AGPAT4: variants seen among roughly 807,000 people sequenced by gnomAD.
AGPAT4 encodes the protein 1-acyl-sn-glycerol-3-phosphate acyltransferase delta.
AGPAT4 carries 15 observed loss-of-function variants against 48.0 expected under a neutral mutation model. The observed-to-expected ratio is 0.31, with a 90% CI of 0.21 to 0.48. AGPAT4 has a LOEUF of 0.48. AGPAT4 is among the 20% of genes least tolerant of loss of function. The probability of loss-of-function intolerance (pLI) is 0.99; values close to 1 mark genes in which losing one functional copy is unlikely to be tolerated. For synonymous variants in AGPAT4, 178 were observed against 198.7 expected (o/e 0.90, Z 0.88); for missense variants, 314 against 482.5 (o/e 0.65, Z 3.27).
Position 161,133,246 on chromosome 6 carries a change from A to G in AGPAT4, c.*3294T>C, listed in dbSNP as rs1778959612. On this transcript the variant is annotated 3_prime_UTR_variant, in exon 9 of 9. Transcript: ENST00000320285. The stretch of plus-strand genomic sequence containing the variant: ...GGGCCTTTTTTGTGTCTTTCACATC[A>G]CTGTTACAAGTTGTGGCTGGACAAT... 6.6e-6 allele frequency: 1 copy of G among 152,218 alleles called. No homozygotes were observed. The highest frequency in any genetic ancestry group is 1.5e-5 in the Non-Finnish European group (1 of 68,044). 9.4% of individuals were successfully genotyped at this position (152,218 alleles called of 1,614,324 possible). A position where few individuals can be genotyped will look rare whatever the true frequency, so the allele number is the denominator to read the frequency against.
Position 161,165,725 on chromosome 6 carries a change from A to G in AGPAT4, c.348+523T>C. On this transcript the variant is annotated intron_variant, in intron 3 of 8. Coordinates refer to ENST00000320285, the MANE Select transcript of AGPAT4 (RefSeq NM_020133.3). The surrounding 1 kb of genome is among the most constrained non-coding windows in gnomAD (Gnocchi z 5.5). ...TGCAAGAGGTCAAACTAGTTGGGAA[A>G]AAAAAAAAACAGAATTTCAGAATAA... The G allele has an allele frequency of 2.3e-6, 2 of 861,502 alleles. No individual in the cohort carries two copies. Among genetic ancestry groups the G allele is most frequent in the South Asian group, 2.8e-5 (2 of 71,900 alleles). The allele number at this position is 861,502 out of a possible 1,614,324, so 53.4% of individuals were successfully genotyped here. A position where few individuals can be genotyped will look rare whatever the true frequency, so the allele number is the denominator to read the frequency against.
At position 161,166,133 on chromosome 6, in the gene AGPAT4, A is replaced by C; in HGVS notation, c.348+115T>G. 7.3e-7 allele frequency: 1 copy of C among 1,375,002 alleles called. No individual in the cohort carries two copies. The highest frequency in any genetic ancestry group is 1.0e-6 in the Non-Finnish European group (1 of 1,001,222). The allele number at this position is 1,375,002 out of a possible 1,614,324, so 85.2% of individuals were successfully genotyped here. On this transcript the variant is annotated intron_variant, in intron 3 of 8. Coordinates refer to ENST00000320285, the MANE Select transcript of AGPAT4 (RefSeq NM_020133.3). The surrounding 1 kb of genome is among the most constrained non-coding windows in gnomAD (Gnocchi z 6.7). ...GCAGTTTATTAGGACCATTTCATCA[A>C]GTAGAAACTCTGTTGATTCTTCTGC...
In AGPAT4 at chr6:161,214,976, A is replaced by G. The variant is rs1781606088; in HGVS notation, c.178+17060T>C. On this transcript the variant is annotated intron_variant, in intron 2 of 8. Coordinates refer to ENST00000320285, the MANE Select transcript of AGPAT4 (RefSeq NM_020133.3). This position sits in a 1 kb window ranked among gnomAD's most constrained non-coding sequence, Gnocchi z 5.4. ...TAGATAAGACTGAGACAAAGGCAAC[A>G]GGCCCATCTGCAGTTTCAAAAAATC... 6.6e-6 allele frequency among the ~76,000 whole-genome samples: 1 copy of G among 152,168 alleles called. No homozygotes were observed. The highest frequency in any genetic ancestry group is 2.1e-4 in the South Asian group (1 of 4,822).
chr6:161,249,811 A>G lies in AGPAT4; in HGVS notation c.-89-17509T>C, dbSNP rs1387254035. Reference sequence around the variant, plus strand: ...CGACCCAGCAATCCCATTACTGGTTATACACCCAAAGGAATATAAATCGTT... The same window carrying G: ...CGACCCAGCAATCCCATTACTGGTTGTACACCCAAAGGAATATAAATCGTT... On this transcript the variant is annotated intron_variant, in intron 1 of 8. Transcript: ENST00000320285. This position sits in a 1 kb window ranked among gnomAD's most constrained non-coding sequence, Gnocchi z 6.2. Among the ~76,000 whole-genome samples the G allele has an allele frequency of 1.3e-5, 2 of 152,224 alleles. No individual in the cohort carries two copies. The highest frequency in any genetic ancestry group is 2.9e-5 in the Non-Finnish European group (2 of 68,046).
At chr6:161,151,417 C>T (rs749894495) in intron 5 of AGPAT4, among the ~76,000 whole-genome samples, 4 of 152,158 alleles carry the variant, frequency 2.6e-5, no homozygotes, top group Non-Finnish European at 5.9e-5. Context: ...GACGGCCTTG[C>T]GAGGCAAGAC....
rs559942216 is a variant in AGPAT4 at position 161,233,349 on chromosome 6, C to T, written c.-89-1047G>A. ...AAAGGAAAGCTGTGAGCAGCGGACTCGCTTTTCCTGGAAGCAGAAGAGCCT... is the reference window on the plus strand; with the variant it reads ...AAAGGAAAGCTGTGAGCAGCGGACTTGCTTTTCCTGGAAGCAGAAGAGCCT... On this transcript the variant is annotated intron_variant, in intron 1 of 8. Coordinates refer to ENST00000320285, the MANE Select transcript of AGPAT4 (RefSeq NM_020133.3). The surrounding 1 kb of genome is among the most constrained non-coding windows in gnomAD (Gnocchi z 5.4). Among the ~76,000 whole-genome samples, 7 of 152,324 alleles carry T rather than the reference C, an allele frequency of 4.6e-5. No homozygotes were observed. The highest frequency in any genetic ancestry group is 1.9e-4 in the East Asian group (1 of 5,186).
chr6:161,217,222 G>A lies in AGPAT4; in HGVS notation c.178+14814C>T, dbSNP rs1014519056. ...CACCGGAGAACTCGGTCATCCGCTT[G>A]GGAGCCAGGGACATGCTGAGCTGGA... On this transcript the variant is annotated intron_variant, in intron 2 of 8. Coordinates refer to ENST00000320285, the MANE Select transcript of AGPAT4 (RefSeq NM_020133.3). This position sits in a 1 kb window ranked among gnomAD's most constrained non-coding sequence, Gnocchi z 4.9. Among the ~76,000 whole-genome samples the A allele has an allele frequency of 2.6e-5, 4 of 152,218 alleles. No homozygotes were observed. The highest frequency in any genetic ancestry group is 2.6e-4 in the Admixed American group (4 of 15,286).
rs1779099345 is a variant in AGPAT4 at position 161,137,375 on chromosome 6, T to C, written c.1043-741A>G. Among the ~76,000 whole-genome samples the C allele has an allele frequency of 1.3e-5, 2 of 152,284 alleles. No homozygotes were observed. The highest frequency in any genetic ancestry group is 3.9e-4 in the East Asian group (2 of 5,180). On this transcript the variant is annotated intron_variant, in intron 8 of 8. Transcript: ENST00000320285. This position sits in a 1 kb window ranked among gnomAD's most constrained non-coding sequence, Gnocchi z 6.1. Reference sequence around the variant, plus strand: ...TTTATAATACATGCTTAAGAATGGATAGACGAATAAGTGAATGAAATCCCC... The same window carrying C: ...TTTATAATACATGCTTAAGAATGGACAGACGAATAAGTGAATGAAATCCCC...
rs1244461234 is a variant in AGPAT4, at chr6:161,138,652, C to A, written c.1042+770G>T. ...GTGTTTGACAGAAAATAACTGAGTC[C>A]TGTCCATTTGGAAGAAGCACGTGAT... On this transcript the variant is annotated intron_variant, in intron 8 of 8. Coordinates refer to ENST00000320285, the MANE Select transcript of AGPAT4 (RefSeq NM_020133.3). This position sits in a 1 kb window ranked among gnomAD's most constrained non-coding sequence, Gnocchi z 4.8. Among the ~76,000 whole-genome samples, 3 of 152,184 alleles carry A rather than the reference C, an allele frequency of 2.0e-5. No individual in the cohort carries two copies. The highest frequency in any genetic ancestry group is 4.4e-5 in the Non-Finnish European group (3 of 68,040).
chr6:161,153,867 A>C (rs1330158979), intron 4 of AGPAT4, among the ~76,000 whole-genome samples: 2 of 149,498 alleles, frequency 1.3e-5, no homozygotes, highest in Non-Finnish European at 3.0e-5. Flanking sequence ...ACATGATCAC[A>C]CACGGCCCCA....
At chr6:161,150,464 G>T (rs911652716) in intron 5 of AGPAT4, among the ~76,000 whole-genome samples, 7 of 152,236 alleles carry the variant, frequency 4.6e-5, no homozygotes, top group Non-Finnish European at 8.8e-5. Context: ...ATATGTGCAA[G>T]TATTAATAAA....
chr6:161,247,081 T>G (rs889325775), intron 1 of AGPAT4, among the ~76,000 whole-genome samples: 4 of 152,236 alleles, frequency 2.6e-5, no homozygotes, highest in Admixed American at 2.0e-4. Flanking sequence ...TGAAACTGCA[T>G]GAGGCTATAT....
rs1452004631 is a variant in AGPAT4 at position 161,215,467 on chromosome 6, G to A, written c.178+16569C>T. 6.6e-6 allele frequency among the ~76,000 whole-genome samples: 1 copy of A among 152,114 alleles called. No individual in the cohort carries two copies. The highest frequency in any genetic ancestry group is 1.5e-5 in the Non-Finnish European group (1 of 68,022). ...TGACAGTGACTCACCCTGATCTCAT[G>A]CTCGGTAATCAGGTTCAGATATCCT... On this transcript the variant is annotated intron_variant, in intron 2 of 8. Coordinates refer to ENST00000320285, the MANE Select transcript of AGPAT4 (RefSeq NM_020133.3). This position sits in a 1 kb window ranked among gnomAD's most constrained non-coding sequence, Gnocchi z 4.5.
At position 161,216,841 on chromosome 6, in the gene AGPAT4, A is replaced by G. The variant is rs542715496; in HGVS notation, c.178+15195T>C. Among the ~76,000 whole-genome samples the G allele has an allele frequency of 2.6e-5, 4 of 152,040 alleles. No individual in the cohort carries two copies. The highest frequency in any genetic ancestry group is 6.5e-5 in the Admixed American group (1 of 15,270). ...AAAAACTGGCCCTCATGATTCAACT[A>G]CCTCCTCTTAGGTCCCTCCCACAAT... On this transcript the variant is annotated intron_variant, in intron 2 of 8. Coordinates refer to ENST00000320285, the MANE Select transcript of AGPAT4 (RefSeq NM_020133.3). The surrounding 1 kb of genome is among the most constrained non-coding windows in gnomAD (Gnocchi z 4.8).
intron 2 of AGPAT4, among the ~76,000 whole-genome samples, chr6:161,224,607 C>T (rs1582888700): frequency 2.1e-5 from 3 of 145,986 alleles, no homozygotes; most frequent in South Asian, 4.4e-4. Context: ...GGCCACTGCA[C>T]TCCAGCCTGG....
Position 161,133,291 on chromosome 6 carries a change from G to A in AGPAT4, c.*3249C>T, listed in dbSNP as rs534567567. 3 of 152,092 alleles carry A rather than the reference G, an allele frequency of 2.0e-5. No individual in the cohort carries two copies. The highest frequency in any genetic ancestry group is 1.9e-4 in the East Asian group (1 of 5,200). 9.4% of individuals were successfully genotyped at this position (152,092 alleles called of 1,614,324 possible). On this transcript the variant is annotated 3_prime_UTR_variant, in exon 9 of 9. Transcript: ENST00000320285. ...GACAATTAATGACATTTAAATCACT[G>A]TCCCACATATGGATATATTAGAAAA...
rs80306524 is a variant in AGPAT4 at position 161,246,426 on chromosome 6, T to C, written c.-89-14124A>G. On this transcript the variant is annotated intron_variant, in intron 1 of 8. Coordinates refer to ENST00000320285, the MANE Select transcript of AGPAT4 (RefSeq NM_020133.3). This position sits in a 1 kb window ranked among gnomAD's most constrained non-coding sequence, Gnocchi z 5.5. ...GGCACAGGGGATTCTTTTTTTTTTT[T>C]GAGACAGAGTTTCACTCTTGTTGCC... Among the ~76,000 whole-genome samples, 1 of 147,186 alleles carries C rather than the reference T, an allele frequency of 6.8e-6. No individual in the cohort carries two copies. Among genetic ancestry groups the C allele is most frequent in the Admixed American group, 6.7e-5 (1 of 14,930 alleles).
In AGPAT4 at chr6:161,144,700, T is replaced by C. The variant is rs73595029; in HGVS notation, c.843+1824A>G. On this transcript the variant is annotated intron_variant, in intron 7 of 8. Coordinates refer to ENST00000320285, the MANE Select transcript of AGPAT4 (RefSeq NM_020133.3). This position sits in a 1 kb window ranked among gnomAD's most constrained non-coding sequence, Gnocchi z 6.6. ...TTCGGCTAAAAGTAACATTTTCGGC[T>C]GGGCACGGTGGCTCACGCCTGTAAT... Among the ~76,000 whole-genome samples, 27,066 of 152,142 alleles carry C rather than the reference T, an allele frequency of 0.18. 3,264 individuals carry two copies. The highest frequency in any genetic ancestry group is 0.35 in the African/African-American group (14,538 of 41,476).
rs1010914424 is a variant in AGPAT4 at position 161,229,978 on chromosome 6, G to A, written c.178+2058C>T. The stretch of plus-strand genomic sequence containing the variant: ...AGACTACCTACCCTTCATTGCACCC[G>A]GCATTGAGATGCCAGTTGTCTTAGA... On this transcript the variant is annotated intron_variant, in intron 2 of 8. Coordinates refer to ENST00000320285, the MANE Select transcript of AGPAT4 (RefSeq NM_020133.3). The surrounding 1 kb of genome is among the most constrained non-coding windows in gnomAD (Gnocchi z 6.0). Among the ~76,000 whole-genome samples, 22 of 152,132 alleles carry A rather than the reference G, an allele frequency of 1.4e-4. No individual in the cohort carries two copies. Among genetic ancestry groups the A allele is most frequent in the South Asian group, 2.1e-4 (1 of 4,824 alleles).
Sources: allele counts gnomAD v4.1 joint callset (sites outside exome capture counted in the v4.1 genomes callset), GRCh38; gene constraint gnomAD v4.1.1; non-coding constraint Gnocchi (gnomAD v3.1); transcripts MANE v1.5; gene names NCBI Gene and HGNC (gene_info 2026-07-23, HGNC 2026-07-21).